SMYD3: variants seen among roughly 807,000 people sequenced by gnomAD.
SMYD3 encodes histone-lysine N-methyltransferase SMYD3.
In SMYD3, 36 loss-of-function variants were observed where a neutral mutation model predicts 57.7. That is an observed-to-expected ratio of 0.62 (90% CI 0.48 to 0.82). The LOEUF (loss-of-function observed/expected upper bound fraction) is 0.82. Ranked by LOEUF, SMYD3 falls within the 40% of genes least tolerant of loss-of-function variation. The probability of loss-of-function intolerance (pLI) is 0.00; values close to 1 mark genes in which losing one functional copy is unlikely to be tolerated. For missense variants in SMYD3, 515 were observed against 538.8 expected, an observed-to-expected ratio of 0.96 and a Z score of 0.44; for synonymous variants, 211 against 195.0, an observed-to-expected ratio of 1.08 and a Z score of -0.68.
chr1:246,014,480 C>T (rs2148204698), intron 5 of SMYD3, among the ~76,000 whole-genome samples: 2 of 152,246 alleles, frequency 1.3e-5, no homozygotes, highest in Middle Eastern at 3.4e-3. Context: ...AACGAAGAGT[C>T]ACGGGCTTAT....
At chr1:245,806,795 A>G (rs1480162501) in intron 10 of SMYD3, among the ~76,000 whole-genome samples, 1 of 151,280 alleles carries the variant, frequency 6.6e-6, no homozygotes, top group Non-Finnish European at 1.5e-5. Flanking sequence ...CTGTAGTCCC[A>G]GCTACTCGGG....
chr1:246,302,016 C>T (rs893876433), intron 5 of SMYD3, among the ~76,000 whole-genome samples: 1 of 152,076 alleles, frequency 6.6e-6, no homozygotes, highest in Non-Finnish European at 1.5e-5. Flanking sequence ...GGAGGACATG[C>T]GAGCTAAGGC....
chr1:246,436,095 T>C (rs12739319), intron 1 of SMYD3, among the ~76,000 whole-genome samples: 1 of 151,982 alleles, frequency 6.6e-6, no homozygotes, highest in Non-Finnish European at 1.5e-5. Flanking sequence ...TGGGTAGTAG[T>C]TACATATTCA....
intron 11 of SMYD3, among the ~76,000 whole-genome samples, chr1:245,757,782 A>G (rs774645239): frequency 6.6e-6 from 1 of 152,120 alleles, no homozygotes; most frequent in Non-Finnish European, 1.5e-5. Context: ...CCATTGGTCT[A>G]TATGTCCATC....
At chr1:246,026,115 C>G (rs73132363) in intron 5 of SMYD3, 4 of 151,952 alleles carry the variant, frequency 2.6e-5, no homozygotes, top group African/African-American at 9.7e-5. Context: ...GCACTCCAGC[C>G]CATGTGACAG....
chr1:246,075,048 G>C (rs1178727733), intron 5 of SMYD3, among the ~76,000 whole-genome samples: 1 of 151,620 alleles, frequency 6.6e-6, no homozygotes, highest in Non-Finnish European at 1.5e-5. Context: ...AGAGGACAGG[G>C]TGACCCATTC....
intron 5 of SMYD3, among the ~76,000 whole-genome samples, chr1:245,969,053 T>C (rs748351137): frequency 8.5e-5 from 13 of 152,228 alleles, no homozygotes; most frequent in Non-Finnish European, 1.8e-4. Context: ...TAGTTAATAA[T>C]GTGTCACTCT....
chr1:245,996,479 C>T (rs1203722602), intron 5 of SMYD3, among the ~76,000 whole-genome samples: 2 of 152,136 alleles, frequency 1.3e-5, no homozygotes, highest in East Asian at 1.9e-4. Context: ...GCTCTAACCC[C>T]TTGAAAACTG....
At chr1:246,193,940 A>G (rs1450343191) in intron 5 of SMYD3, among the ~76,000 whole-genome samples, 4 of 152,174 alleles carry the variant, frequency 2.6e-5, no homozygotes, top group Non-Finnish European at 5.9e-5. Context: ...AAAGCATTCT[A>G]AATCATGTTC....
chr1:246,351,747 G>A (rs1007971672), intron 2 of SMYD3, among the ~76,000 whole-genome samples: 1 of 152,206 alleles, frequency 6.6e-6, no homozygotes, highest in Non-Finnish European at 1.5e-5. Context: ...AGAAGCGGGG[G>A]AAGGAAGCTG....
chr1:245,886,186 A>T (rs1039583836), intron 8 of SMYD3, among the ~76,000 whole-genome samples: 11 of 152,220 alleles, frequency 7.2e-5, no homozygotes, highest in African/African-American at 2.7e-4. Context: ...ATGTGGAGAC[A>T]ACTGTTTTAT....
intron 2 of SMYD3, among the ~76,000 whole-genome samples, chr1:246,349,959 C>G (rs556161882): frequency 6.6e-6 from 1 of 152,272 alleles, no homozygotes; most frequent in South Asian, 2.1e-4. Context: ...GATCTAAATG[C>G]ATCAATTAAA....
At chr1:245,986,720 C>T (rs1395805480) in intron 5 of SMYD3, among the ~76,000 whole-genome samples, 4 of 152,190 alleles carry the variant, frequency 2.6e-5, no homozygotes, top group Non-Finnish European at 4.4e-5. Context: ...AAAGGTGACC[C>T]ACCCACGCCC....
intron 11 of SMYD3, among the ~76,000 whole-genome samples, chr1:245,756,997 T>G (rs2045634176): frequency 6.6e-6 from 1 of 152,128 alleles, no homozygotes; most frequent in East Asian, 1.9e-4. Context: ...AAAACACTAA[T>G]AGTTACCATT....
Position 246,357,095 on chromosome 1 carries a change from C to T in SMYD3, c.165-2001G>A, listed in dbSNP as rs150801195. Among the ~76,000 whole-genome samples, 728 of 152,280 alleles carry T rather than the reference C, an allele frequency of 4.8e-3. 5 individuals are homozygous for T. Among genetic ancestry groups the T allele is most frequent in the African/African-American group, 0.017 (704 of 41,548 alleles). Reference sequence around the variant, plus strand: ...CAGCAGATTTCTGAGCAGAAACTGTCAGAGGCATGCATGTGAACCAGGGCA... The same window carrying T: ...CAGCAGATTTCTGAGCAGAAACTGTTAGAGGCATGCATGTGAACCAGGGCA... On this transcript the variant is annotated intron_variant, in intron 1 of 11. Transcript: ENST00000490107.
At chr1:246,048,403 G>A (rs2060006629) in intron 5 of SMYD3, among the ~76,000 whole-genome samples, 1 of 152,014 alleles carries the variant, frequency 6.6e-6, no homozygotes, top group African/African-American at 2.4e-5. Flanking sequence ...AAAATAAAAG[G>A]GCCAGTGTGC....
At chr1:245,866,258 G>A (rs2051835114) in intron 8 of SMYD3, among the ~76,000 whole-genome samples, 1 of 152,146 alleles carries the variant, frequency 6.6e-6, no homozygotes, top group Non-Finnish European at 1.5e-5. Context: ...TGAGGAGATA[G>A]GAGCACTTGT....
At chr1:246,244,244 T>C (rs937323558) in intron 5 of SMYD3, among the ~76,000 whole-genome samples, 1 of 152,148 alleles carries the variant, frequency 6.6e-6, no homozygotes, top group African/African-American at 2.4e-5. Context: ...GACACTTAAA[T>C]GTAAATTCAT....
At chr1:246,197,507 C>T (rs943483931) in intron 5 of SMYD3, among the ~76,000 whole-genome samples, 1 of 152,156 alleles carries the variant, frequency 6.6e-6, no homozygotes. Context: ...ACAGGTATTA[C>T]CTTCTTTCCA....
Sources: allele counts gnomAD v4.1 joint callset (sites outside exome capture counted in the v4.1 genomes callset), GRCh38; gene constraint gnomAD v4.1.1; transcripts MANE v1.5; gene names NCBI Gene and HGNC (gene_info 2026-07-23, HGNC 2026-07-21).